ATAD2B: variants seen among roughly 807,000 people sequenced by gnomAD.
ATAD2B encodes the protein ATPase family AAA domain containing 2B.
ATAD2B carries 40 observed loss-of-function variants against 167.6 expected under a neutral mutation model. The ratio of observed to expected loss-of-function variants is 0.24; its 90% CI spans 0.19 to 0.31. ATAD2B has a LOEUF of 0.31. Ranked by LOEUF, ATAD2B falls within the 10% of genes least tolerant of loss-of-function variation. ATAD2B has a pLI of 1.00. For synonymous variants in ATAD2B, 579 were observed against 596.5 expected (o/e 0.97, Z 0.43); for missense variants, 1,242 against 1,757.2 (o/e 0.71, Z 5.24).
intron 1 of ATAD2B, among the ~76,000 whole-genome samples, chr2:23,918,352 C>T (rs1703382414): frequency 6.6e-6 from 1 of 152,008 alleles, no homozygotes; most frequent in South Asian, 2.1e-4. Flanking sequence ...GCCTGAGCAA[C>T]ACAGCAAGAT....
chr2:23,790,214 T>C (rs2149423446), intron 19 of ATAD2B, among the ~76,000 whole-genome samples: 1 of 152,252 alleles, frequency 6.6e-6, no homozygotes. Context: ...ATGTCTTTGT[T>C]CTCTGCTGTC....
intron 19 of ATAD2B, among the ~76,000 whole-genome samples, chr2:23,792,818 T>C (rs1422155776): frequency 1.3e-5 from 2 of 151,456 alleles, no homozygotes; most frequent in Non-Finnish European, 2.9e-5. Context: ...AAAAATTAGC[T>C]GGGCGTGGTG....
the ATAD2B span, among the ~76,000 whole-genome samples, chr2:23,692,374 C>CGG: frequency 6.6e-6 from 1 of 152,210 alleles, no homozygotes; most frequent in Admixed American, 6.5e-5. Flanking sequence ...CAGGAGCTCC[C>CGG]GGGGGGGTCG....
intron 12 of ATAD2B, among the ~76,000 whole-genome samples, chr2:23,860,202 T>C (rs1046192592): frequency 2.0e-5 from 3 of 152,210 alleles, no homozygotes; most frequent in African/African-American, 7.2e-5. Context: ...ACCAGATGCC[T>C]TGATTTTGGA....
chr2:23,812,398 AC>A (rs1255265145), intron 17 of ATAD2B, among the ~76,000 whole-genome samples: 1 of 152,120 alleles, frequency 6.6e-6, no homozygotes, highest in Non-Finnish European at 1.5e-5. Flanking sequence ...GAACACAAAG[AC>A]TAAATACATA....
At chr2:23,791,416 A>T (rs1357053726) in intron 19 of ATAD2B, among the ~76,000 whole-genome samples, 3 of 151,980 alleles carry the variant, frequency 2.0e-5, no homozygotes, top group Admixed American at 1.3e-4. Flanking sequence ...ATCCTTGCCA[A>T]TACTTGGTAT....
chr2:23,737,846 G>A, the ATAD2B span, among the ~76,000 whole-genome samples: 1 of 152,196 alleles, frequency 6.6e-6, no homozygotes, highest in Non-Finnish European at 1.5e-5. Flanking sequence ...ATGCAGAGAA[G>A]TCCTTAAAGG....
intron 22 of ATAD2B, among the ~76,000 whole-genome samples, chr2:23,766,764 A>G (rs1677471620): frequency 6.6e-6 from 1 of 152,186 alleles, no homozygotes; most frequent in Non-Finnish European, 1.5e-5. Flanking sequence ...CCCAAAAGCA[A>G]AACACCCTGA....
rs987487180 is a variant in ATAD2B, at chr2:23,926,926, G to A, written c.-156C>T. On this transcript the variant is annotated 5_prime_UTR_variant, in exon 1 of 28. Transcript: ENST00000238789. The stretch of plus-strand genomic sequence containing the variant: ...GCGCAGACGAGCACAAGAGAGAGCC[G>A]GGCAGAGGAAGGGAAGTCGGCGTGA... 7.7e-6 allele frequency: 7 copies of A among 910,822 alleles called. No homozygotes were observed. Among genetic ancestry groups the A allele is most frequent in the Non-Finnish European group, 1.1e-5 (7 of 643,626 alleles). 56.4% of individuals were successfully genotyped at this position (910,822 alleles called of 1,614,324 possible).
At chr2:23,698,297 G>C in the ATAD2B span, among the ~76,000 whole-genome samples, 1 of 152,192 alleles carries the variant, frequency 6.6e-6, no homozygotes, top group Non-Finnish European at 1.5e-5. Flanking sequence ...CCTTGCAGGG[G>C]CAGGATGCAG....
chr2:23,828,402 G>A (rs1688558219), intron 15 of ATAD2B, among the ~76,000 whole-genome samples: 1 of 152,124 alleles, frequency 6.6e-6, no homozygotes, highest in Non-Finnish European at 1.5e-5. Context: ...TTTCTTTGAA[G>A]ACCTCTCCCA....
chr2:23,777,632 T>C (rs1679365607), intron 22 of ATAD2B, among the ~76,000 whole-genome samples: 1 of 152,090 alleles, frequency 6.6e-6, no homozygotes, highest in South Asian at 2.1e-4. Flanking sequence ...ACATAGAAGA[T>C]TTTGAGACAA....
intron 22 of ATAD2B, among the ~76,000 whole-genome samples, chr2:23,780,750 A>C (rs572900377): frequency 3.3e-4 from 50 of 152,206 alleles, no homozygotes; most frequent in African/African-American, 1.2e-3. Context: ...AAATGCAAAA[A>C]TTAGCTGGGC....
chr2:23,715,107 A>AAAAG, the ATAD2B span, among the ~76,000 whole-genome samples: 3 of 152,236 alleles, frequency 2.0e-5, no homozygotes, highest in African/African-American at 7.2e-5. Flanking sequence ...TGACAGCTGC[A>AAAAG]AAAGTGTGAC....
intron 13 of ATAD2B, among the ~76,000 whole-genome samples, chr2:23,853,897 G>T (rs1360212343): frequency 6.6e-6 from 1 of 152,124 alleles, no homozygotes; most frequent in East Asian, 1.9e-4. Context: ...GACGTGCCAA[G>T]AAATTTAACA....
At chr2:23,892,975 A>G (rs1369958927) in intron 2 of ATAD2B, among the ~76,000 whole-genome samples, 1 of 152,192 alleles carries the variant, frequency 6.6e-6, no homozygotes, top group Non-Finnish European at 1.5e-5. Context: ...GGGAATTTCT[A>G]TATACAATAT....
rs928527601 is a variant in ATAD2B, at chr2:23,808,131, T to C, written c.2454+2185A>G. Reference sequence around the variant, plus strand: ...TAATTATATATATAATTATTATATATAAGTGATTACTTATATTATATGTTA... The same window carrying C: ...TAATTATATATATAATTATTATATACAAGTGATTACTTATATTATATGTTA... On this transcript the variant is annotated intron_variant, in intron 18 of 27. Transcript: ENST00000238789. Among the ~76,000 whole-genome samples, 399 of 116,078 alleles carry C rather than the reference T, an allele frequency of 3.4e-3. 3 individuals are homozygous for C. Among genetic ancestry groups the C allele is most frequent in the African/African-American group, 0.014 (391 of 28,608 alleles). 76.2% of individuals were successfully genotyped at this position (116,078 alleles called of 152,430 possible).
Position 23,884,810 on chromosome 2 carries a change from C to G in ATAD2B, c.739G>C (p.Gly247Arg). 1 of 1,601,930 alleles carries G rather than the reference C, an allele frequency of 6.2e-7. No individual in the cohort carries two copies. The highest frequency in any genetic ancestry group is 8.5e-7 in the Non-Finnish European group (1 of 1,173,912). Residue 247 changes from glycine (G) to arginine (R), a missense_variant, in exon 6 of 28, where the codon GGG (glycine) becomes CGG (arginine). By Grantham distance (125) the Gly-to-Arg change is moderately radical. This residue lies in a region of ATAD2B where 99 missense variants were observed against 160.4 expected (regional missense o/e 0.62). Transcript: ENST00000238789. ...RRKSLRRNSY[G>R]IQNHHEVSTE... is the part of the protein sequence containing the mutation. ...GAAACTTCATGATGATTTTGTATCC[C>G]ATAACTATTTCTTCTTAGTGACTTT... is the stretch of plus-strand genomic sequence containing the variant.
intron 2 of ATAD2B, 70 bp from the exon 3 acceptor site, chr2:23,888,469 G>T: frequency 1.1e-6 from 1 of 945,974 alleles, no homozygotes; most frequent in Non-Finnish European, 1.5e-6. Context: ...ATGAAATACT[G>T]CTGGAATTAT....
Sources: allele counts gnomAD v4.1 joint callset (sites outside exome capture counted in the v4.1 genomes callset), GRCh38; gene constraint gnomAD v4.1.1; regional missense constraint gnomAD v4.1.1; transcripts MANE v1.5; gene names NCBI Gene and HGNC (gene_info 2026-07-23, HGNC 2026-07-21).